Variants in ANKH observed in about 807,000 individuals in gnomAD.
ANKH encodes ANKH inorganic pyrophosphate transport regulator, also known as mineralization regulator ANKH.
In ANKH, 15 loss-of-function variants were observed where a neutral mutation model predicts 49.0. That is an observed-to-expected ratio of 0.31 (90% CI 0.20 to 0.47). ANKH has a LOEUF of 0.47. Among genes scored for constraint, ANKH ranks in the 20% least tolerant of loss-of-function variants. ANKH has a pLI of 1.00. For synonymous variants in ANKH, 273 were observed against 260.0 expected, an observed-to-expected ratio of 1.05 and a Z score of -0.48; for missense variants, 429 against 652.0, an observed-to-expected ratio of 0.66 and a Z score of 3.72.
rs1737120336 is a variant in ANKH, at chr5:14,710,370, C to T, written c.*827G>A. On this transcript the variant is annotated 3_prime_UTR_variant, in exon 12 of 12. Transcript: ENST00000284268. The stretch of plus-strand genomic sequence containing the variant: ...GGAAAAGCAAGCCTTCAGGAAAAGT[C>T]ATGCGGCAGGGTCTGGAATCTGGAG... 1 of 152,230 alleles carries T rather than the reference C, an allele frequency of 6.6e-6. No individual in the cohort carries two copies. Among genetic ancestry groups the T allele is most frequent in the Non-Finnish European group, 1.5e-5 (1 of 68,038 alleles). The allele number at this position is 152,230 out of a possible 1,614,324, so 9.4% of individuals were successfully genotyped here.
intron 8 of ANKH, among the ~76,000 whole-genome samples, chr5:14,732,657 G>T (rs1436201458): frequency 6.6e-6 from 1 of 152,110 alleles, no homozygotes; most frequent in South Asian, 2.1e-4. Context: ...CACATGCCAG[G>T]TATTTCACTA....
chr5:14,742,040 C>G (rs1305388255), intron 7 of ANKH, 118 bp from the exon 8 acceptor site: 2 of 796,966 alleles, frequency 2.5e-6, no homozygotes, highest in Non-Finnish European at 4.3e-6. Context: ...TTAGAGGTTT[C>G]AAGTGACAGT....
chr5:14,823,654 C>T (rs576599258), intron 1 of ANKH, among the ~76,000 whole-genome samples: 7 of 152,286 alleles, frequency 4.6e-5, no homozygotes, highest in South Asian at 4.1e-4. Context: ...TGGCAGGGCG[C>T]GGTTGCTGAT....
chr5:14,711,171 C>A lies in ANKH; in HGVS notation c.*26G>T, dbSNP rs775899303. The A allele has an allele frequency of 1.3e-6, 2 of 1,561,532 alleles. No individual in the cohort carries two copies. The highest frequency in any genetic ancestry group is 3.3e-5 in the Admixed American group (2 of 59,978). The stretch of plus-strand genomic sequence containing the variant: ...GAAGTGTCATCCTGACTGACTGTCC[C>A]TGCAGTGCCCATGGCGTCCCGTGCC... On this transcript the variant is annotated 3_prime_UTR_variant, in exon 12 of 12. Coordinates refer to ENST00000284268, the MANE Select transcript of ANKH (RefSeq NM_054027.6).
intron 1 of ANKH, among the ~76,000 whole-genome samples, chr5:14,860,489 T>C (rs1026930951): frequency 1.2e-4 from 18 of 152,192 alleles, no homozygotes; most frequent in African/African-American, 4.3e-4. Context: ...CTCTAAACCA[T>C]TTAAAGCACT....
chr5:14,815,717 C>A (rs1741014724), intron 1 of ANKH, among the ~76,000 whole-genome samples: 1 of 152,296 alleles, frequency 6.6e-6, no homozygotes. Flanking sequence ...AAAGGAATGA[C>A]AATGTATACA....
At chr5:14,757,926 G>A (rs1374058133) in intron 3 of ANKH, among the ~76,000 whole-genome samples, 1 of 151,964 alleles carries the variant, frequency 6.6e-6, no homozygotes, top group East Asian at 1.9e-4. Flanking sequence ...TCCACTTCTG[G>A]GTATATACCC....
chr5:14,834,242 T>A (rs932945711), intron 1 of ANKH, among the ~76,000 whole-genome samples: 9 of 148,868 alleles, frequency 6.0e-5, no homozygotes, highest in Non-Finnish European at 1.0e-4. Context: ...CAGTTTCCCA[T>A]CTGTAAAATG....
rs542733550 is a variant in ANKH at position 14,711,106 on chromosome 5, AAG to A, written c.*89_*90del. ...TTCATTACCAAAACAAAACAAAAAA[AAG>A]GGAACAAAATACGATGGGAGAGGGA... On this transcript the variant is annotated 3_prime_UTR_variant, in exon 12 of 12. Transcript: ENST00000284268. 159 of 1,179,232 alleles carry A rather than the reference AAG, an allele frequency of 1.3e-4. 1 individual carries two copies. In the South Asian group the frequency reaches 1.8e-3, roughly 14 times the overall value. The allele number at this position is 1,179,232 out of a possible 1,614,324, so 73.0% of individuals were successfully genotyped here.
chr5:14,732,119 T>C (rs938851680), intron 8 of ANKH, among the ~76,000 whole-genome samples: 3 of 152,216 alleles, frequency 2.0e-5, no homozygotes, highest in African/African-American at 2.4e-5. Context: ...TTTTCTACTA[T>C]GTGGTTGTGT....
chr5:14,714,639 C>A (rs1737376109), intron 9 of ANKH, among the ~76,000 whole-genome samples: 1 of 152,166 alleles, frequency 6.6e-6, no homozygotes, highest in Non-Finnish European at 1.5e-5. Context: ...ACTAACGAGG[C>A]TAATTTTCTT....
intron 1 of ANKH, among the ~76,000 whole-genome samples, chr5:14,783,188 T>G (rs947794717): frequency 5.9e-5 from 9 of 152,120 alleles, no homozygotes; most frequent in African/African-American, 1.9e-4. Context: ...GCTCAGCCCA[T>G]GACCAGTCTC....
At chr5:14,811,930 A>G (rs1369063892) in intron 1 of ANKH, among the ~76,000 whole-genome samples, 1 of 152,186 alleles carries the variant, frequency 6.6e-6, no homozygotes, top group East Asian at 1.9e-4. Context: ...ACAAATAAAT[A>G]ACACCACTGT....
At chr5:14,797,485 G>A (rs1470485984) in intron 1 of ANKH, 1 of 1,611,302 alleles carries the variant, frequency 6.2e-7, no homozygotes, top group East Asian at 2.2e-5. Context: ...TTAAGTTTCA[G>A]ATTTCTCAGA....
chr5:14,867,097 C>T (rs1735667742), intron 1 of ANKH, among the ~76,000 whole-genome samples: 1 of 139,306 alleles, frequency 7.2e-6, no homozygotes, highest in Non-Finnish European at 1.5e-5. Flanking sequence ...ATGGTGGCTG[C>T]ATTGAGCCAA....
chr5:14,805,774 C>G (rs2126566358), intron 1 of ANKH, among the ~76,000 whole-genome samples: 1 of 152,182 alleles, frequency 6.6e-6, no homozygotes, highest in Middle Eastern at 3.4e-3. Context: ...TTCCAACCCA[C>G]TGCAGAGACA....
At position 14,737,840 on chromosome 5, in the gene ANKH, T is replaced by G. The variant is rs1738236185; in HGVS notation, c.1011+3987A>C. ...GCTATCAAGGGGATTCCGTTTCATC[T>G]GACAGTTCTACTGTTTTGAAGCCAA... On this transcript the variant is annotated intron_variant, in intron 8 of 11. Coordinates refer to ENST00000284268, the MANE Select transcript of ANKH (RefSeq NM_054027.6). This position sits in a 1 kb window ranked among gnomAD's most constrained non-coding sequence, Gnocchi z 5.0. Among the ~76,000 whole-genome samples, 1 of 152,246 alleles carries G rather than the reference T, an allele frequency of 6.6e-6. No individual in the cohort carries two copies.
chr5:14,780,021 G>T (rs897257025), intron 1 of ANKH, among the ~76,000 whole-genome samples: 1 of 150,864 alleles, frequency 6.6e-6, no homozygotes, highest in Non-Finnish European at 1.5e-5. Flanking sequence ...CCATGAGGAA[G>T]AAATCAGAAG....
intron 2 of ANKH, among the ~76,000 whole-genome samples, chr5:14,765,494 A>G (rs1739231362): frequency 6.6e-6 from 1 of 152,174 alleles, no homozygotes; most frequent in African/African-American, 2.4e-5. Flanking sequence ...AAGCATTCCC[A>G]GGGAAGTGTC....
Sources: gnomAD v4.1 joint callset for allele counts (sites outside exome capture counted in the v4.1 genomes callset) on GRCh38, gnomAD v4.1.1 for gene constraint, Gnocchi (gnomAD v3.1) non-coding constraint, MANE v1.5 for transcripts, NCBI Gene and HGNC (gene_info 2026-07-23, HGNC 2026-07-21) for gene names.